KLHDC2: variants seen among roughly 807,000 people sequenced by gnomAD.
KLHDC2 encodes the protein kelch domain-containing protein 2.
A neutral mutation model predicts 62.3 loss-of-function variants in KLHDC2; 38 were observed. The ratio of observed to expected loss-of-function variants is 0.61; its 90% CI spans 0.47 to 0.80. The LOEUF is 0.80. KLHDC2 is among the 30% of genes least tolerant of loss of function. The probability of loss-of-function intolerance (pLI) is 0.00; values close to 1 mark genes in which losing one functional copy is unlikely to be tolerated. For missense variants in KLHDC2, 430 were observed against 495.3 expected (o/e 0.87, Z 1.25); for synonymous variants, 159 against 161.0 (o/e 0.99, Z 0.09).
chr14:49,778,561 G>GGGA, intron 6 of KLHDC2, 67 bp downstream of exon 6: 7 of 297,522 alleles, frequency 2.4e-5, no homozygotes, highest in South Asian at 1.1e-4. Context: ...TGGGGTAGGG[G>GGGA]AGAGGGGTGC....
At chr14:49,774,704 T>C in intron 3 of KLHDC2, 26 bp downstream of exon 3, 1 of 1,331,454 alleles carries the variant, frequency 7.5e-7, no homozygotes, top group Non-Finnish European at 1.1e-6. Flanking sequence ...GATTATGGCT[T>C]GAGGCATTTT....
At chr14:49,779,539 T>A in intron 6 of KLHDC2, 56 bp from the exon 7 acceptor site, 3 of 1,310,500 alleles carry the variant, frequency 2.3e-6, no homozygotes, top group Non-Finnish European at 3.3e-6. Flanking sequence ...AGAGTAGACA[T>A]AGGTATTTTC....
At position 49,777,808 on chromosome 14, in the gene KLHDC2, CA is replaced by C. The variant is rs773600729; in HGVS notation, c.352-29del. On this transcript the variant is annotated intron_variant, in intron 3 of 12. Transcript: ENST00000298307. ...TAAACTTGAATTTCTTTCATAAAAC[CA>C]ACTCTAACTGAAATCATTGCTTCTG... 39 of 1,186,794 alleles carry C rather than the reference CA, an allele frequency of 3.3e-5. No individual in the cohort carries two copies. The East Asian group carries it at 9.5e-4, about 29-fold the overall frequency. 73.5% of individuals were successfully genotyped at this position (1,186,794 alleles called of 1,614,324 possible). A position where few individuals can be genotyped will look rare whatever the true frequency, so the allele number is the denominator to read the frequency against.
chr14:49,771,631 C>G lies in KLHDC2; in HGVS notation c.191C>G (p.Pro64Arg). The stretch of plus-strand genomic sequence containing the variant: ...AGAGGATTATATGACTTTTATCTGC[C>G]TAGAGAAGAACTATGGATCTACAAC... Reference protein sequence around the residue: ...QVRGLYDFYLPREELWIYNME... With the variant: ...QVRGLYDFYLRREELWIYNME... Residue 64 changes from proline (P) to arginine (R), a missense_variant, in exon 2 of 13, where the codon CCT becomes CGT. Physicochemically the swap from Pro to Arg is moderately radical, Grantham distance 103. Transcript: ENST00000298307. 6.6e-7 allele frequency: 1 copy of G among 1,525,014 alleles called. No individual in the cohort carries two copies. The highest frequency in any genetic ancestry group is 1.1e-5 in the South Asian group (1 of 89,138). The allele number at this position is 1,525,014 out of a possible 1,614,324, so 94.5% of individuals were successfully genotyped here. A position where few individuals can be genotyped will look rare whatever the true frequency, so the allele number is the denominator to read the frequency against.
chr14:49,785,947 C>T lies in KLHDC2; in HGVS notation c.*2994C>T, dbSNP rs1308698400. 2 of 151,696 alleles carry T rather than the reference C, an allele frequency of 1.3e-5. No homozygotes were observed. The highest frequency in any genetic ancestry group is 2.9e-5 in the Non-Finnish European group (2 of 68,242). The allele number at this position is 151,696 out of a possible 1,614,324, so 9.4% of individuals were successfully genotyped here. ...ATATTACCTGAGTTGCAGAAACCTG[C>T]TGTGGATTAAAATGATGCAATAATA... On this transcript the variant is annotated 3_prime_UTR_variant, in exon 13 of 13. Transcript: ENST00000298307.
At chr14:49,776,543 G>C (rs8013265) in intron 3 of KLHDC2, among the ~76,000 whole-genome samples, 147,190 of 152,308 alleles carry the variant, frequency 0.97, 71,337 homozygotes, top group East Asian at 1. Context: ...AATAGACACC[G>C]AACATGTATT....
At chr14:49,774,807 A>G in intron 3 of KLHDC2, 129 bp downstream of exon 3, 2 of 732,880 alleles carry the variant, frequency 2.7e-6, no homozygotes, top group South Asian at 3.1e-5. Context: ...CTTGATTATG[A>G]TATGAATGTG....
intron 9 of KLHDC2, 80 bp from the exon 10 acceptor site, chr14:49,780,623 C>G: frequency 2.0e-6 from 2 of 975,718 alleles, no homozygotes; most frequent in Non-Finnish European, 3.3e-6. Flanking sequence ...GATCTATTAC[C>G]TTTCTTGCCA....
rs1206752729 is a variant in KLHDC2, at chr14:49,782,938, C to T, written c.1206C>T (p.Asn402=). Residue 402 remains asparagine, a synonymous_variant, in exon 13 of 13, where the codon AAC becomes AAT. Coordinates refer to ENST00000298307, the MANE Select transcript of KLHDC2 (RefSeq NM_014315.3). ...TTAATCAGAGGTTTGGTAGTAACAA[C>T]ACTTCTGGATCTTAAGGCTTCATAA... The part of the protein sequence containing the change: ...HSVNQRFGSN[N]TSGS 6.2e-7 allele frequency: 1 copy of T among 1,613,262 alleles called. No homozygotes were observed. Among genetic ancestry groups the T allele is most frequent in the South Asian group, 1.1e-5 (1 of 90,906 alleles).
At chr14:49,776,189 T>A (rs1430326238) in intron 3 of KLHDC2, among the ~76,000 whole-genome samples, 1 of 152,188 alleles carries the variant, frequency 6.6e-6, no homozygotes, top group Non-Finnish European at 1.5e-5. Flanking sequence ...GTGAGGCACA[T>A]CTATAGGCTA....
At position 49,783,589 on chromosome 14, in the gene KLHDC2, T is replaced by A. The variant is rs1353180244; in HGVS notation, c.*636T>A. The A allele has an allele frequency of 6.6e-6, 1 of 152,134 alleles. No homozygotes were observed. Among genetic ancestry groups the A allele is most frequent in the Admixed American group, 6.6e-5 (1 of 15,260 alleles). The allele number at this position is 152,134 out of a possible 1,614,324, so 9.4% of individuals were successfully genotyped here. A position where few individuals can be genotyped will look rare whatever the true frequency, so the allele number is the denominator to read the frequency against. On this transcript the variant is annotated 3_prime_UTR_variant, in exon 13 of 13. Transcript: ENST00000298307. ...TGAAGGAATGGAAATAATGATGACATCATTTTCCATTCTGTTAAGAGACAG... is the reference window on the plus strand; with the variant it reads ...TGAAGGAATGGAAATAATGATGACAACATTTTCCATTCTGTTAAGAGACAG...
intron 2 of KLHDC2, among the ~76,000 whole-genome samples, chr14:49,773,317 G>A (rs1289170252): frequency 2.0e-5 from 3 of 149,458 alleles, no homozygotes; most frequent in African/African-American, 7.4e-5. Context: ...GGGAGGCTGA[G>A]GCAGAAGAAT....
intron 3 of KLHDC2, 128 bp downstream of exon 3, chr14:49,774,806 G>A (rs1889737974): frequency 2.7e-6 from 2 of 733,422 alleles, no homozygotes; most frequent in Non-Finnish European, 2.5e-6. Context: ...ACTTGATTAT[G>A]ATATGAATGT....
intron 3 of KLHDC2, among the ~76,000 whole-genome samples, chr14:49,777,212 A>G (rs779764520): frequency 7.8e-5 from 11 of 141,886 alleles, no homozygotes; most frequent in South Asian, 2.4e-4. Flanking sequence ...ATGCAAAGGC[A>G]TAAGTATGAT....
chr14:49,784,725 A>C lies in KLHDC2; in HGVS notation c.*1772A>C. The C allele has an allele frequency of 6.2e-7, 1 of 1,606,228 alleles. No homozygotes were observed. Among genetic ancestry groups the C allele is most frequent in the South Asian group, 1.1e-5 (1 of 90,360 alleles). ...GATAAATCTGTGTCCTAAAAAAAGA[A>C]AATTGCTGAATATCTTCACATCCTG... On this transcript the variant is annotated 3_prime_UTR_variant, in exon 13 of 13. Coordinates refer to ENST00000298307, the MANE Select transcript of KLHDC2 (RefSeq NM_014315.3).
chr14:49,775,798 TTTA>T (rs1334163701), intron 3 of KLHDC2, among the ~76,000 whole-genome samples: 3 of 152,012 alleles, frequency 2.0e-5, no homozygotes, highest in African/African-American at 7.3e-5. Context: ...AGCTAATTTT[TTTA>T]TTTTTAGTAG....
At position 49,780,297 on chromosome 14, in the gene KLHDC2, A is replaced by T. The variant is rs1464247701; in HGVS notation, c.858A>T (p.Gly286=). 6.8e-6 allele frequency: 11 copies of T among 1,610,424 alleles called. No homozygotes were observed. The highest frequency in any genetic ancestry group is 9.3e-6 in the Non-Finnish European group (11 of 1,176,640). ...CAGATCATCTTTTTCTCTTTGGAGGATTTACCACTGATAAACAGCCACTAA... is the reference window on the plus strand; with the variant it reads ...CAGATCATCTTTTTCTCTTTGGAGGTTTTACCACTGATAAACAGCCACTAA... The part of the protein sequence containing the change: ...VSSDHLFLFG[G]FTTDKQPLSD... The change falls in exon 9 of 13, where the codon GGA becomes GGT. Residue 286 remains glycine, a synonymous_variant. Coordinates refer to ENST00000298307, the MANE Select transcript of KLHDC2 (RefSeq NM_014315.3).
In KLHDC2 at chr14:49,768,226, G is replaced by A. The variant is rs1330982334; in HGVS notation, c.-243G>A. 2 of 360,430 alleles carry A rather than the reference G, an allele frequency of 5.5e-6. No homozygotes were observed. The highest frequency in any genetic ancestry group is 4.9e-6 in the Non-Finnish European group (1 of 203,756). 22.3% of individuals were successfully genotyped at this position (360,430 alleles called of 1,614,324 possible). On this transcript the variant is annotated 5_prime_UTR_variant, in exon 1 of 13. Transcript: ENST00000298307. Reference sequence around the variant, plus strand: ...GTGCCCCGAGTCCCGGGCCCGCGCCGCCGCCGCCCGGCTCCGCTCGCGGCC... The same window carrying A: ...GTGCCCCGAGTCCCGGGCCCGCGCCACCGCCGCCCGGCTCCGCTCGCGGCC...
In KLHDC2 at chr14:49,782,541, G is replaced by A; in HGVS notation, c.1045-1G>A. 1.2e-6 allele frequency: 2 copies of A among 1,606,716 alleles called. No homozygotes were observed. Among genetic ancestry groups the A allele is most frequent in the Non-Finnish European group, 1.7e-6 (2 of 1,175,166 alleles). On this transcript the variant is annotated splice_acceptor_variant, in intron 11 of 12. Transcript: ENST00000298307. LOFTEE classifies it high-confidence loss of function. ...ATGTGTTCTTCCTATTTATTTTTCA[G>A]GCACACAGTAATGAAATACTAATAT...
Sources: gnomAD v4.1 joint callset for allele counts (sites outside exome capture counted in the v4.1 genomes callset) on GRCh38, gnomAD v4.1.1 for gene constraint, MANE v1.5 for transcripts, NCBI Gene and HGNC (gene_info 2026-07-23, HGNC 2026-07-21) for gene names.